The following ZNF148 variants were observed in gnomAD, a reference collection of about 807,000 sequenced individuals.
ZNF148 encodes zinc finger protein 148.
Under a neutral mutation model 67.7 loss-of-function variants are expected in ZNF148, and 7 were observed. That is an observed-to-expected ratio of 0.10 (90% CI 0.06 to 0.19). The LOEUF is 0.19. ZNF148 is among the 10% of genes least tolerant of loss of function. ZNF148 has a pLI of 1.00. For synonymous variants in ZNF148, 333 were observed against 330.7 expected, an observed-to-expected ratio of 1.01 and a Z score of -0.08; for missense variants, 583 against 947.1, an observed-to-expected ratio of 0.62 and a Z score of 5.05.
intron 4 of ZNF148, among the ~76,000 whole-genome samples, chr3:125,303,622 C>T (rs1397327287): frequency 6.6e-6 from 1 of 152,160 alleles, no homozygotes; most frequent in Admixed American, 6.5e-5. Flanking sequence ...TCCCATCACT[C>T]CCACATGGGA....
chr3:125,280,561 C>T (rs866664975), intron 5 of ZNF148, among the ~76,000 whole-genome samples: 1 of 151,408 alleles, frequency 6.6e-6, no homozygotes, highest in Non-Finnish European at 1.5e-5. Flanking sequence ...CACACCTGTA[C>T]TCTCAGCTAC....
rs116832288 is a variant in ZNF148 at position 125,287,323 on chromosome 3, A to C, written c.459+780T>G. Among the ~76,000 whole-genome samples, 873 of 152,318 alleles carry C rather than the reference A, an allele frequency of 5.7e-3. 6 individuals are homozygous for C. The highest frequency in any genetic ancestry group is 0.01 in the Non-Finnish European group (712 of 68,014). On this transcript the variant is annotated intron_variant, in intron 5 of 8. Transcript: ENST00000360647. ...TAGGAATACCAAAAATGCTGTATAC[A>C]TTCAGCTATCACTATACTAAAGAGA...
intron 7 of ZNF148, among the ~76,000 whole-genome samples, chr3:125,254,543 A>G (rs1409815750): frequency 6.6e-6 from 1 of 152,206 alleles, no homozygotes; most frequent in Non-Finnish European, 1.5e-5. Flanking sequence ...TAACAGACAC[A>G]CGTTTAAAAT....
chr3:125,286,241 A>G (rs2107620963), intron 5 of ZNF148, among the ~76,000 whole-genome samples: 1 of 152,312 alleles, frequency 6.6e-6, no homozygotes, highest in South Asian at 2.1e-4. Flanking sequence ...TAAAGCCCCA[A>G]AAAAAGAAGT....
intron 7 of ZNF148, among the ~76,000 whole-genome samples, chr3:125,244,528 G>A (rs577537760): frequency 6.7e-5 from 10 of 150,188 alleles, no homozygotes; most frequent in African/African-American, 9.8e-5. Context: ...ACGGAGTTTC[G>A]CTCTTGTCCC....
At chr3:125,359,005 C>G (rs1003567364) in intron 1 of ZNF148, among the ~76,000 whole-genome samples, 3 of 152,194 alleles carry the variant, frequency 2.0e-5, no homozygotes, top group African/African-American at 7.2e-5. Flanking sequence ...CTTTAAGATA[C>G]TCATCATTGG....
intron 4 of ZNF148, among the ~76,000 whole-genome samples, chr3:125,312,257 G>A (rs1940254777): frequency 6.6e-6 from 1 of 152,144 alleles, no homozygotes; most frequent in Non-Finnish European, 1.5e-5. Flanking sequence ...TTTATTCCAG[G>A]TATGAAAGTT....
At chr3:125,254,680 T>C (rs1936991650) in intron 7 of ZNF148, among the ~76,000 whole-genome samples, 1 of 152,068 alleles carries the variant, frequency 6.6e-6, no homozygotes, top group Admixed American at 6.6e-5. Flanking sequence ...CTTTTTGTGG[T>C]TGTTTCATAC....
At chr3:125,234,013 CAATT>C (rs1334273751) in intron 8 of ZNF148, 74 bp from the exon 9 acceptor site, 2 of 1,486,610 alleles carry the variant, frequency 1.3e-6, no homozygotes, top group African/African-American at 1.4e-5. Context: ...TGAAACAAAA[CAATT>C]AATATAAAGA....
chr3:125,246,367 C>G (rs1336060710), intron 7 of ZNF148, among the ~76,000 whole-genome samples: 1 of 152,070 alleles, frequency 6.6e-6, no homozygotes, highest in Non-Finnish European at 1.5e-5. Context: ...GATCATGTAC[C>G]ATTATGTGAT....
In ZNF148 at chr3:125,260,847, A is replaced by G. The variant is rs192721787; in HGVS notation, c.667+16879T>C. On this transcript the variant is annotated intron_variant, in intron 7 of 8. Transcript: ENST00000360647. Reference sequence around the variant, plus strand: ...CCTATACATACCTAAACATACTTAAACAAAACATTGGAAAAAATCCTGAGC... The same window carrying G: ...CCTATACATACCTAAACATACTTAAGCAAAACATTGGAAAAAATCCTGAGC... 3.1e-3 allele frequency among the ~76,000 whole-genome samples: 478 copies of G among 152,348 alleles called. 2 individuals carry two copies. Among genetic ancestry groups the G allele is most frequent in the African/African-American group, 0.011 (462 of 41,566 alleles).
intron 7 of ZNF148, among the ~76,000 whole-genome samples, chr3:125,274,201 T>C (rs1937919966): frequency 6.6e-6 from 1 of 152,238 alleles, no homozygotes; most frequent in South Asian, 2.1e-4. Context: ...TTAACCTTGA[T>C]ATGCGCTTGA....
At chr3:125,351,380 CAAAA>C (rs1158167448) in intron 1 of ZNF148, among the ~76,000 whole-genome samples, 2 of 51,340 alleles carry the variant, frequency 3.9e-5, no homozygotes, top group East Asian at 6.8e-4. Flanking sequence ...CCTTGTTTCT[CAAAA>C]AAAAAAAAAA....
intron 1 of ZNF148, among the ~76,000 whole-genome samples, chr3:125,349,057 C>G (rs904561737): frequency 6.6e-6 from 1 of 152,160 alleles, no homozygotes; most frequent in Non-Finnish European, 1.5e-5. Context: ...AAGTTTGACC[C>G]TCATTTTACA....
chr3:125,272,790 A>G (rs1937826507), intron 7 of ZNF148, among the ~76,000 whole-genome samples: 1 of 152,176 alleles, frequency 6.6e-6, no homozygotes, highest in Non-Finnish European at 1.5e-5. Context: ...AGCTTTGCAG[A>G]TAAAAAAAAA....
chr3:125,261,377 T>C (rs1358618874), intron 7 of ZNF148, among the ~76,000 whole-genome samples: 1 of 152,182 alleles, frequency 6.6e-6, no homozygotes, highest in Non-Finnish European at 1.5e-5. Flanking sequence ...TGGCTTTCTG[T>C]TGGAGTAACA....
intron 3 of ZNF148, among the ~76,000 whole-genome samples, chr3:125,321,214 A>G (rs2107689532): frequency 6.6e-6 from 1 of 152,312 alleles, no homozygotes; most frequent in Admixed American, 6.5e-5. Flanking sequence ...AAGTACTACT[A>G]TTTCAAAATA....
At chr3:125,327,323 G>A (rs915105327) in intron 2 of ZNF148, among the ~76,000 whole-genome samples, 1 of 151,986 alleles carries the variant, frequency 6.6e-6, no homozygotes, top group African/African-American at 2.4e-5. Context: ...CTCTAAATAA[G>A]TGACAGAATA....
At chr3:125,356,196 T>C (rs1439213925) in intron 1 of ZNF148, among the ~76,000 whole-genome samples, 1 of 152,226 alleles carries the variant, frequency 6.6e-6, no homozygotes, top group East Asian at 1.9e-4. Context: ...GAAATTACTT[T>C]TAAATGTTTT....
Sources: gnomAD v4.1 joint callset for allele counts (sites outside exome capture counted in the v4.1 genomes callset) on GRCh38, gnomAD v4.1.1 for gene constraint, MANE v1.5 for transcripts, NCBI Gene and HGNC (gene_info 2026-07-23, HGNC 2026-07-21) for gene names.